SLC25A24: variants seen among roughly 807,000 people sequenced by gnomAD.
SLC25A24 encodes the protein mitochondrial adenyl nucleotide antiporter SLC25A24.
A neutral mutation model predicts 60.7 loss-of-function variants in SLC25A24; 49 were observed. The ratio of observed to expected loss-of-function variants is 0.81; its 90% confidence interval spans 0.64 to 1.02. The LOEUF is 1.02. Among genes scored for constraint, SLC25A24 ranks in the 50% least tolerant of loss-of-function variants. SLC25A24 has a pLI of 0.00. For synonymous variants in SLC25A24, 202 were observed against 200.6 expected (o/e 1.01, Z -0.06); for missense variants, 564 against 586.3 (o/e 0.96, Z 0.39).
rs890364256 is a variant in SLC25A24 at position 108,134,445 on chromosome 1, A to T, written c.*2208T>A. ...AATTCAACTTAGAATTTTTTCCCAC[A>T]ATTTCAAGACAAACTGATACTCCAC... On this transcript the variant is annotated 3_prime_UTR_variant, in exon 10 of 10. Coordinates refer to ENST00000565488, the MANE Select transcript of SLC25A24 (RefSeq NM_013386.5). The T allele has an allele frequency of 2.0e-5, 3 of 152,200 alleles. No individual in the cohort carries two copies. Among genetic ancestry groups the T allele is most frequent in the Admixed American group, 6.5e-5 (1 of 15,290 alleles). 9.4% of individuals were successfully genotyped at this position (152,200 alleles called of 1,614,324 possible). A position where few individuals can be genotyped will look rare whatever the true frequency, so the allele number is the denominator to read the frequency against.
At chr1:108,186,247 C>T (rs1487380601) in intron 1 of SLC25A24, among the ~76,000 whole-genome samples, 2 of 152,164 alleles carry the variant, frequency 1.3e-5, no homozygotes, top group Admixed American at 1.3e-4. Context: ...TTGACATGTA[C>T]TTTATAAACC....
intron 2 of SLC25A24, among the ~76,000 whole-genome samples, chr1:108,182,932 G>A (rs1458253010): frequency 6.6e-6 from 1 of 152,102 alleles, no homozygotes; most frequent in African/African-American, 2.4e-5. Flanking sequence ...AGGGAAATTA[G>A]AGCGTGTTTG....
chr1:108,171,048 T>C (rs920757350), intron 3 of SLC25A24, among the ~76,000 whole-genome samples: 3 of 152,164 alleles, frequency 2.0e-5, no homozygotes, highest in African/African-American at 7.2e-5. Context: ...TCTCACATCT[T>C]ACCTATTGCT....
At chr1:108,149,088 C>T (rs1679685071) in intron 6 of SLC25A24, among the ~76,000 whole-genome samples, 2 of 152,104 alleles carry the variant, frequency 1.3e-5, no homozygotes, top group African/African-American at 4.8e-5. Context: ...TGGATATTTT[C>T]CCCACAGTTT....
In SLC25A24 at chr1:108,192,930, C is replaced by T. The variant is rs1648392097; in HGVS notation, c.184-6976G>A. The stretch of plus-strand genomic sequence containing the variant: ...ACTCACGTCTGATCAGAAGCCCCGG[C>T]TCCCACTCCAGGAAGAGTCCAGTCG... On this transcript the variant is annotated intron_variant, in intron 1 of 9. Transcript: ENST00000565488. The T allele has an allele frequency of 6.0e-5, 20 of 335,160 alleles. 1 individual carries two copies. The South Asian group carries it at 1.6e-3, about 26-fold the overall frequency. 20.8% of individuals were successfully genotyped at this position (335,160 alleles called of 1,614,324 possible). A position where few individuals can be genotyped will look rare whatever the true frequency, so the allele number is the denominator to read the frequency against.
rs547096746 is a variant in SLC25A24, at chr1:108,193,497, G to C, written c.183+6459C>G. Among the ~76,000 whole-genome samples, 25 of 140,154 alleles carry C rather than the reference G, an allele frequency of 1.8e-4. 3 individuals are homozygous for C. Among genetic ancestry groups the C allele is most frequent in the African/African-American group, 4.5e-4 (18 of 40,376 alleles). 91.9% of individuals were successfully genotyped at this position (140,154 alleles called of 152,430 possible). A position where few individuals can be genotyped will look rare whatever the true frequency, so the allele number is the denominator to read the frequency against. ...GGCTTCCAGCTGCATTCATATTGCTGCAAAGGACATGATTTTGCTCCTTTT... is the reference window on the plus strand; with the variant it reads ...GGCTTCCAGCTGCATTCATATTGCTCCAAAGGACATGATTTTGCTCCTTTT... On this transcript the variant is annotated intron_variant, in intron 1 of 9. Coordinates refer to ENST00000565488, the MANE Select transcript of SLC25A24 (RefSeq NM_013386.5).
rs58480591 is a variant in SLC25A24, at chr1:108,190,674, G to T, written c.184-4720C>A. On this transcript the variant is annotated intron_variant, in intron 1 of 9. Coordinates refer to ENST00000565488, the MANE Select transcript of SLC25A24 (RefSeq NM_013386.5). ...AGTTATTGCTTTTGTATCTTAACAC[G>T]ACAATGTAAGTATCATTTCTTTTTT... Among the ~76,000 whole-genome samples, 6 of 149,004 alleles carry T rather than the reference G, an allele frequency of 4.0e-5. No individual in the cohort carries two copies. The East Asian group carries it at 1.2e-3, about 29-fold the overall frequency.
intron 1 of SLC25A24, among the ~76,000 whole-genome samples, chr1:108,187,949 T>TATATATATATATATAAGA (rs1360600759): frequency 4.8e-5 from 7 of 146,074 alleles, no homozygotes; most frequent in Admixed American, 4.8e-4. Flanking sequence ...TATATATTCA[T>TATATATATATATATAAGA]GCACTGTATA....
chr1:108,157,400 C>T, intron 5 of SLC25A24, 62 bp downstream of exon 5: 2 of 1,497,054 alleles, frequency 1.3e-6, no homozygotes, highest in Non-Finnish European at 9.1e-7. Context: ...TTTCAAAGCA[C>T]CACATTTCTC....
intron 4 of SLC25A24, among the ~76,000 whole-genome samples, chr1:108,160,170 G>A (rs1367685825): frequency 2.0e-5 from 3 of 152,006 alleles, no homozygotes; most frequent in African/African-American, 7.2e-5. Context: ...CGGGGCGGCT[G>A]CCGGGCGGAG....
intron 7 of SLC25A24, among the ~76,000 whole-genome samples, chr1:108,147,226 T>C (rs1325373577): frequency 1.3e-5 from 2 of 152,226 alleles, no homozygotes; most frequent in Non-Finnish European, 2.9e-5. Context: ...TATTCCCTGA[T>C]GGTAGTTTGC....
At chr1:108,181,881 A>C in intron 3 of SLC25A24, 60 bp downstream of exon 3, 3 of 1,209,432 alleles carry the variant, frequency 2.5e-6, no homozygotes, top group Non-Finnish European at 3.7e-6. Flanking sequence ...TTACAAACAC[A>C]GAGTTCTAAT....
At chr1:108,139,815 C>T (rs1274337795) in intron 8 of SLC25A24, among the ~76,000 whole-genome samples, 2 of 152,008 alleles carry the variant, frequency 1.3e-5, no homozygotes, top group African/African-American at 4.8e-5. Context: ...TTTCACCATG[C>T]TGGCAAGGCT....
chr1:108,158,818 G>T (rs55905275), intron 4 of SLC25A24, among the ~76,000 whole-genome samples: 1 of 151,650 alleles, frequency 6.6e-6, no homozygotes, highest in East Asian at 1.9e-4. Context: ...TGGCTAACAC[G>T]GTGAAACCCC....
chr1:108,160,822 C>T (rs1055456635), intron 4 of SLC25A24, among the ~76,000 whole-genome samples: 15 of 152,190 alleles, frequency 9.9e-5, no homozygotes, highest in Non-Finnish European at 1.8e-4. Context: ...TGGCGGTGCG[C>T]GCCTGCAATC....
chr1:108,198,446 C>T (rs950499332), intron 1 of SLC25A24: 7 of 152,108 alleles, frequency 4.6e-5, no homozygotes, highest in African/African-American at 1.7e-4. Flanking sequence ...ATTTATCTTA[C>T]GAAAGTAACT....
chr1:108,167,746 C>T (rs997904887), intron 3 of SLC25A24, among the ~76,000 whole-genome samples: 2 of 152,176 alleles, frequency 1.3e-5, no homozygotes, highest in African/African-American at 2.4e-5. Context: ...AGCAATCATG[C>T]GTCTTCTGCG....
chr1:108,161,542 ACT>A (rs1300373350), intron 3 of SLC25A24, among the ~76,000 whole-genome samples: 1 of 152,200 alleles, frequency 6.6e-6, no homozygotes, highest in Non-Finnish European at 1.5e-5. Context: ...TACTTTCAGC[ACT>A]CTGTCAAACT....
In SLC25A24 at chr1:108,135,042, G is replaced by T. The variant is rs1679246152; in HGVS notation, c.*1611C>A. ...TTTTCCAGAAGTTTGAAATTTCAAA[G>T]TTGTTAGCAAAATTATTCATTTCCA... On this transcript the variant is annotated 3_prime_UTR_variant, in exon 10 of 10. Transcript: ENST00000565488. 2.0e-5 allele frequency: 3 copies of T among 152,162 alleles called. No individual in the cohort carries two copies. The highest frequency in any genetic ancestry group is 3.5e-3 in the Middle Eastern group (1 of 288). The allele number at this position is 152,162 out of a possible 1,614,324, so 9.4% of individuals were successfully genotyped here.
Sources: allele counts gnomAD v4.1 joint callset (sites outside exome capture counted in the v4.1 genomes callset), GRCh38; gene constraint gnomAD v4.1.1; transcripts MANE v1.5; gene names NCBI Gene and HGNC (gene_info 2026-07-23, HGNC 2026-07-21).